Variants in PCDH9 observed in about 807,000 individuals in gnomAD.
PCDH9 encodes protocadherin-9.
PCDH9 carries 24 observed loss-of-function variants against 70.6 expected under a neutral mutation model. That is an observed-to-expected ratio of 0.34 (90% CI 0.25 to 0.48). The LOEUF is 0.48. PCDH9 is among the 20% of genes least tolerant of loss of function. PCDH9 has a pLI of 0.99. For synonymous variants in PCDH9, 562 were observed against 558.5 expected, an observed-to-expected ratio of 1.01 and a Z score of -0.09; for missense variants, 1,281 against 1,503.6, an observed-to-expected ratio of 0.85 and a Z score of 2.45.
chr13:66,499,521 ATGC>A (rs1959166099), intron 4 of PCDH9, among the ~76,000 whole-genome samples: 1 of 152,176 alleles, frequency 6.6e-6, no homozygotes, highest in Admixed American at 6.5e-5. Context: ...GATGGAGACA[ATGC>A]TGTTGGAGGC....
At chr13:66,936,208 G>T (rs1166243353) in intron 2 of PCDH9, among the ~76,000 whole-genome samples, 1 of 152,162 alleles carries the variant, frequency 6.6e-6, no homozygotes, top group Non-Finnish European at 1.5e-5. Flanking sequence ...TGAGGTGTTA[G>T]CACACTCAAT....
chr13:67,074,939 C>T (rs916188958), intron 2 of PCDH9, among the ~76,000 whole-genome samples: 4 of 151,908 alleles, frequency 2.6e-5, no homozygotes, highest in African/African-American at 9.7e-5. Context: ...ACTCTGTAAA[C>T]CTGATCTGAA....
chr13:66,804,877 G>A (rs1002873985), intron 3 of PCDH9, among the ~76,000 whole-genome samples: 15 of 151,988 alleles, frequency 9.9e-5, no homozygotes, highest in African/African-American at 3.4e-4. Flanking sequence ...AGAGTGAAAG[G>A]GAGTGTTATT....
At chr13:67,032,881 A>T (rs1317981373) in intron 2 of PCDH9, among the ~76,000 whole-genome samples, 1 of 152,160 alleles carries the variant, frequency 6.6e-6, no homozygotes, top group Non-Finnish European at 1.5e-5. Context: ...TATTATTTGC[A>T]GTTCTACCAG....
chr13:66,668,653 C>T (rs541414335), intron 3 of PCDH9, among the ~76,000 whole-genome samples: 205 of 152,174 alleles, frequency 1.3e-3, no homozygotes, highest in Admixed American at 0.013. Flanking sequence ...CAGTGGTGAC[C>T]GAGAGAGCCC....
chr13:66,562,046 A>G (rs7998682), intron 4 of PCDH9, among the ~76,000 whole-genome samples: 125,898 of 151,860 alleles, frequency 0.83, 52,435 homozygotes, highest in East Asian at 1. Context: ...CTCTGAACAC[A>G]TCCAAACATC....
chr13:67,083,485 G>A (rs867790202), intron 2 of PCDH9, among the ~76,000 whole-genome samples: 11 of 152,160 alleles, frequency 7.2e-5, no homozygotes, highest in Non-Finnish European at 1.2e-4. Flanking sequence ...ACTCTTTAAT[G>A]TATAAACAGA....
intron 3 of PCDH9, among the ~76,000 whole-genome samples, chr13:66,875,494 T>C (rs1302487610): frequency 6.6e-6 from 1 of 152,196 alleles, no homozygotes; most frequent in Non-Finnish European, 1.5e-5. Flanking sequence ...ACACAAAGCA[T>C]ACAAAGCACA....
At chr13:66,749,319 G>T (rs2079421323) in intron 3 of PCDH9, among the ~76,000 whole-genome samples, 1 of 152,128 alleles carries the variant, frequency 6.6e-6, no homozygotes, top group South Asian at 2.1e-4. Flanking sequence ...CAGCTATGAG[G>T]ATATAAAAAT....
At chr13:66,926,225 C>T (rs1453441071) in intron 2 of PCDH9, among the ~76,000 whole-genome samples, 2 of 151,928 alleles carry the variant, frequency 1.3e-5, no homozygotes, top group Admixed American at 6.6e-5. Context: ...GTTGGAAATA[C>T]TGTAAAAATA....
At chr13:67,136,512 A>G (rs373733428) in intron 2 of PCDH9, among the ~76,000 whole-genome samples, 1 of 152,262 alleles carries the variant, frequency 6.6e-6, no homozygotes, top group South Asian at 2.1e-4. Flanking sequence ...GTTGCATCAT[A>G]TAATGCTAAA....
intron 3 of PCDH9, among the ~76,000 whole-genome samples, chr13:66,891,479 C>G (rs1307965981): frequency 6.6e-6 from 1 of 152,004 alleles, no homozygotes; most frequent in Non-Finnish European, 1.5e-5. Flanking sequence ...TTGCTTAAAA[C>G]TAAATAGTAA....
chr13:66,887,028 TATA>T (rs1449660972), intron 3 of PCDH9, among the ~76,000 whole-genome samples: 1 of 132,316 alleles, frequency 7.6e-6, no homozygotes, highest in Non-Finnish European at 1.6e-5. Context: ...CACCAACAAA[TATA>T]ATAACACACA....
chr13:66,731,242 A>G (rs1403992354), intron 3 of PCDH9, among the ~76,000 whole-genome samples: 1 of 152,038 alleles, frequency 6.6e-6, no homozygotes, highest in East Asian at 1.9e-4. Context: ...AGAAAATAAA[A>G]TAACTCACTA....
In PCDH9 at chr13:66,727,517, T is replaced by C. The variant is rs148443678; in HGVS notation, c.3139-96106A>G. Among the ~76,000 whole-genome samples, 312 of 152,276 alleles carry C rather than the reference T, an allele frequency of 2.0e-3. 1 individual carries two copies. The highest frequency in any genetic ancestry group is 7.4e-3 in the African/African-American group (306 of 41,558). ...AGTGGGGAAAAATGCCACTAGAGTC[T>C]GCTACAAAATATTGAATTTTAAGGG... On this transcript the variant is annotated intron_variant, in intron 3 of 4. Coordinates refer to ENST00000377865, the MANE Select transcript of PCDH9 (RefSeq NM_203487.3).
At chr13:66,987,579 CG>C (rs1465604760) in intron 2 of PCDH9, among the ~76,000 whole-genome samples, 1 of 151,862 alleles carries the variant, frequency 6.6e-6, no homozygotes, top group East Asian at 1.9e-4. Flanking sequence ...CTAGCTGATA[CG>C]CACCTCATTT....
chr13:66,808,105 T>C (rs930365943), intron 3 of PCDH9, among the ~76,000 whole-genome samples: 2 of 152,112 alleles, frequency 1.3e-5, no homozygotes, highest in Non-Finnish European at 1.5e-5. Context: ...TGACCATACC[T>C]GAAGGAAAAC....
intron 4 of PCDH9, among the ~76,000 whole-genome samples, chr13:66,597,292 C>A (rs2077115311): frequency 6.6e-6 from 1 of 151,612 alleles, no homozygotes; most frequent in African/African-American, 2.4e-5. Context: ...CCACAAAGGA[C>A]CTTCAAAGTA....
At chr13:66,765,204 A>T (rs1361023376) in intron 3 of PCDH9, among the ~76,000 whole-genome samples, 1 of 151,892 alleles carries the variant, frequency 6.6e-6, no homozygotes, top group Non-Finnish European at 1.5e-5. Flanking sequence ...CAAGGCCTGA[A>T]TTCTTAACTT....
Sources: gnomAD v4.1 joint callset for allele counts (sites outside exome capture counted in the v4.1 genomes callset) on GRCh38, gnomAD v4.1.1 for gene constraint, MANE v1.5 for transcripts, NCBI Gene and HGNC (gene_info 2026-07-23, HGNC 2026-07-21) for gene names.